The following ERC2 variants were observed in gnomAD, a reference collection of about 807,000 sequenced individuals.
ERC2 encodes ERC protein 2.
ERC2 carries 42 observed loss-of-function variants against 114.8 expected under a neutral mutation model. That is an observed-to-expected ratio of 0.37 (90% CI 0.29 to 0.47). ERC2 has a LOEUF of 0.47. Among genes scored for constraint, ERC2 ranks in the 20% least tolerant of loss-of-function variants. ERC2 has a pLI of 0.99. For synonymous variants in ERC2, 454 were observed against 425.5 expected (o/e 1.07, Z -0.82); for missense variants, 939 against 1,150.7 (o/e 0.82, Z 2.66).
chr3:55,678,161 C>T (rs1027729915), intron 17 of ERC2, among the ~76,000 whole-genome samples: 4 of 151,966 alleles, frequency 2.6e-5, no homozygotes, highest in Non-Finnish European at 5.9e-5. Context: ...TTACTTTGCC[C>T]AGGAATCGAT....
In ERC2 at chr3:55,609,106, A is replaced by G. The variant is rs568310711; in HGVS notation, c.*39+74688T>C. Among the ~76,000 whole-genome samples the G allele has an allele frequency of 2.0e-5, 3 of 152,348 alleles. No homozygotes were observed. The South Asian group carries it at 6.2e-4, about 32-fold the overall frequency. The stretch of plus-strand genomic sequence containing the variant: ...GAGAGTCCTAAAGTTATCTGAAGTC[A>G]AGCAGCTAGTGTTAACAGCAACGCT... On this transcript the variant is annotated intron_variant, in intron 17 of 17. Coordinates refer to ENST00000288221, the MANE Select transcript of ERC2 (RefSeq NM_015576.3).
At chr3:56,023,093 C>T (rs1388354126) in intron 7 of ERC2, among the ~76,000 whole-genome samples, 2 of 152,166 alleles carry the variant, frequency 1.3e-5, no homozygotes, top group East Asian at 3.9e-4. Context: ...GGCCAATGTT[C>T]AGCAGGGGAG....
At chr3:56,146,247 A>C (rs946357348) in intron 5 of ERC2, among the ~76,000 whole-genome samples, 1 of 152,206 alleles carries the variant, frequency 6.6e-6, no homozygotes, top group African/African-American at 2.4e-5. Context: ...AGATCGCACC[A>C]CTGCACCCCA....
intron 17 of ERC2, among the ~76,000 whole-genome samples, chr3:55,588,510 G>A (rs1288048173): frequency 6.6e-6 from 1 of 152,342 alleles, no homozygotes; most frequent in African/African-American, 2.4e-5. Flanking sequence ...CAGAGAGTGA[G>A]AGGGAAATCC....
chr3:55,850,108 T>G (rs1427918472), intron 14 of ERC2, among the ~76,000 whole-genome samples: 1 of 152,210 alleles, frequency 6.6e-6, no homozygotes, highest in Non-Finnish European at 1.5e-5. Context: ...ATTACTTCTC[T>G]GCCTCCACAA....
chr3:56,250,121 G>T (rs2052042884), intron 3 of ERC2, among the ~76,000 whole-genome samples: 1 of 152,158 alleles, frequency 6.6e-6, no homozygotes, highest in Non-Finnish European at 1.5e-5. Context: ...CTCCCAAAGT[G>T]CTGGGATTAC....
chr3:55,790,366 CA>C (rs1489651045), intron 14 of ERC2, among the ~76,000 whole-genome samples: 1 of 152,164 alleles, frequency 6.6e-6, no homozygotes, highest in Non-Finnish European at 1.5e-5. Flanking sequence ...TAGCCCCCCA[CA>C]ATACAGTAAT....
chr3:56,023,454 C>T lies in ERC2; in HGVS notation c.1642-4423G>A, dbSNP rs560518950. ...TCTCCTTATATCTTCCCTATCTTTG[C>T]CTATCTATTTCCTTTTCTTGGAGCC... On this transcript the variant is annotated intron_variant, in intron 7 of 17. Coordinates refer to ENST00000288221, the MANE Select transcript of ERC2 (RefSeq NM_015576.3). Among the ~76,000 whole-genome samples the T allele has an allele frequency of 1.6e-3, 250 of 152,196 alleles. 1 individual carries two copies. Among genetic ancestry groups the T allele is most frequent in the African/African-American group, 5.7e-3 (235 of 41,530 alleles).
chr3:55,526,188 A>G (rs930423448), intron 17 of ERC2, among the ~76,000 whole-genome samples: 3 of 152,124 alleles, frequency 2.0e-5, no homozygotes, highest in Non-Finnish European at 4.4e-5. Context: ...GAGGCAAGGA[A>G]GGGTCTCCCC....
chr3:55,829,077 G>C (rs1370815459), intron 14 of ERC2, among the ~76,000 whole-genome samples: 1 of 152,090 alleles, frequency 6.6e-6, no homozygotes, highest in East Asian at 1.9e-4. Context: ...GCTGCACTGA[G>C]GCATGATTGT....
At chr3:55,950,918 A>G (rs1185714484) in intron 12 of ERC2, among the ~76,000 whole-genome samples, 1 of 152,218 alleles carries the variant, frequency 6.6e-6, no homozygotes, top group African/African-American at 2.4e-5. Flanking sequence ...ATGTGTGGAC[A>G]GGTGGTGGAG....
intron 7 of ERC2, among the ~76,000 whole-genome samples, chr3:56,033,556 G>A (rs1188938614): frequency 6.6e-6 from 1 of 152,110 alleles, no homozygotes; most frequent in Admixed American, 6.5e-5. Context: ...TTCTTGTAAG[G>A]CATGTCTGGT....
rs566442047 is a variant in ERC2 at position 56,299,851 on chromosome 3, A to T, written c.658-3416T>A. On this transcript the variant is annotated intron_variant, in intron 2 of 17. Transcript: ENST00000288221. ...AATTGGGATGATCACAAAGGAAATG[A>T]TCTTTTCTGAGCATAACCAAAAATA... Among the ~76,000 whole-genome samples the T allele has an allele frequency of 4.1e-4, 62 of 152,334 alleles. No individual in the cohort carries two copies. In the South Asian group the frequency reaches 0.013, roughly 31 times the overall value.
At chr3:56,280,122 G>A (rs983316839) in intron 3 of ERC2, among the ~76,000 whole-genome samples, 3 of 152,132 alleles carry the variant, frequency 2.0e-5, no homozygotes, top group African/African-American at 7.2e-5. Flanking sequence ...CAGAAGCAAG[G>A]GTCATAAAGA....
intron 16 of ERC2, among the ~76,000 whole-genome samples, chr3:55,698,934 G>A (rs941166794): frequency 2.6e-5 from 4 of 152,110 alleles, no homozygotes; most frequent in African/African-American, 9.7e-5. Flanking sequence ...CAGGCAAAAC[G>A]GATTTCTCTC....
intron 2 of ERC2, among the ~76,000 whole-genome samples, chr3:56,425,889 A>G (rs1022401362): frequency 1.3e-4 from 20 of 152,224 alleles, no homozygotes; most frequent in Non-Finnish European, 2.8e-4. Context: ...ATCTAGAGGC[A>G]GGTCATTGCT....
chr3:55,852,875 G>T (rs1316251121), intron 14 of ERC2, among the ~76,000 whole-genome samples: 1 of 152,124 alleles, frequency 6.6e-6, no homozygotes, highest in Non-Finnish European at 1.5e-5. Context: ...CCCTTTATAG[G>T]AGTTTTTGAA....
chr3:56,133,410 C>T (rs542065479), intron 6 of ERC2, among the ~76,000 whole-genome samples: 18 of 152,214 alleles, frequency 1.2e-4, no homozygotes, highest in African/African-American at 4.1e-4. Context: ...GCACTCCAGC[C>T]TGAGCGACAG....
At chr3:55,755,298 C>A (rs62249340) in intron 14 of ERC2, among the ~76,000 whole-genome samples, 1 of 151,930 alleles carries the variant, frequency 6.6e-6, no homozygotes, top group East Asian at 1.9e-4. Flanking sequence ...GAGGAATGAC[C>A]GAGAGGCACA....
Sources: allele counts gnomAD v4.1 joint callset (sites outside exome capture counted in the v4.1 genomes callset), GRCh38; gene constraint gnomAD v4.1.1; transcripts MANE v1.5; gene names NCBI Gene and HGNC (gene_info 2026-07-23, HGNC 2026-07-21).